Variants in ANKAR observed in about 807,000 individuals in gnomAD.
ANKAR encodes the protein ankyrin and armadillo repeat-containing protein.
ANKAR carries 136 observed loss-of-function variants against 146.2 expected under a neutral mutation model. That is an observed-to-expected ratio of 0.93 (90% CI 0.81 to 1.07). The LOEUF (loss-of-function observed/expected upper bound fraction) is 1.07. Among genes scored for constraint, ANKAR ranks in the 50% least tolerant of loss-of-function variants. ANKAR has a pLI of 0.00. For missense variants in ANKAR, 1,567 were observed against 1,679.9 expected, an observed-to-expected ratio of 0.93 and a Z score of 1.18; for synonymous variants, 500 against 575.8, an observed-to-expected ratio of 0.87 and a Z score of 1.88.
chr2:189,739,615 G>A (rs1201517079), intron 19 of ANKAR, among the ~76,000 whole-genome samples: 1 of 151,026 alleles, frequency 6.6e-6, no homozygotes, highest in African/African-American at 2.4e-5. Context: ...CCAGGCTGGA[G>A]TGCAGTGGTG....
chr2:189,736,506 G>T (rs200895546), intron 17 of ANKAR, among the ~76,000 whole-genome samples: 101,645 of 115,186 alleles, frequency 0.88, 44,516 homozygotes, highest in Non-Finnish European at 0.96. Flanking sequence ...TGGGTTTTGT[G>T]TGTGTGTGTG....
At chr2:189,762,685 C>T, downstream of ANKAR, 1 of 985,402 alleles carries the variant, frequency 1.0e-6, no homozygotes, top group Non-Finnish European at 1.2e-6. Context: ...TTTCACCCAC[C>T]TTCCACTTGG....
At chr2:189,742,960 ACACACACACACACACACAC>A in intron 20 of ANKAR, among the ~76,000 whole-genome samples, 2 of 138,924 alleles carry the variant, frequency 1.4e-5, no homozygotes, top group East Asian at 4.1e-4. Context: ...ACACACACAC[ACACACACACACACACACAC>A]ACCCCTGAAA....
chr2:189,728,918 C>T, intron 15 of ANKAR, 97 bp downstream of exon 15: 1 of 1,171,884 alleles, frequency 8.5e-7, no homozygotes, highest in Non-Finnish European at 1.2e-6. Context: ...TCTATCCCCA[C>T]TGTTTGAGCC....
chr2:189,714,947 CA>C (rs71401215), intron 10 of ANKAR, among the ~76,000 whole-genome samples: 2,318 of 88,680 alleles, frequency 0.026, 13 homozygotes, highest in South Asian at 0.057. Flanking sequence ...CTCCATCTCA[CA>C]AAAAAAAAAA....
intron 19 of ANKAR, among the ~76,000 whole-genome samples, chr2:189,739,845 A>G (rs1474812521): frequency 6.6e-6 from 1 of 152,144 alleles, no homozygotes; most frequent in Non-Finnish European, 1.5e-5. Flanking sequence ...TACAGGTATG[A>G]GCCACCACAC....
In ANKAR at chr2:189,689,582, G is replaced by A; in HGVS notation, c.657G>A (p.Val219=). ...TTAATGAAATCTATGATGAAGACGT[G>A]AATGAAGATCCAACATATGATCCCA... is the stretch of plus-strand genomic sequence containing the variant. The part of the protein sequence containing the change: ...PDFNEIYDED[V]NEDPTYDPNS... Residue 219 remains valine (V), a synonymous_variant, in exon 3 of 23, where the codon GTG becomes GTA. Transcript: ENST00000684021. 6.2e-7 allele frequency: 1 copy of A among 1,611,930 alleles called. No homozygotes were observed. The highest frequency in any genetic ancestry group is 8.5e-7 in the Non-Finnish European group (1 of 1,179,186).
chr2:189,707,097 T>A lies in ANKAR; in HGVS notation c.2070T>A (p.Tyr690Ter). The A allele has an allele frequency of 6.3e-7, 1 of 1,589,180 alleles. No homozygotes were observed. Among genetic ancestry groups the A allele is most frequent in the Non-Finnish European group, 8.6e-7 (1 of 1,168,166 alleles). ...VLTFHTEVLKYIIKLNIPELP... is the reference protein window; with the variant it reads ...VLTFHTEVLK ...CCTTTCATACAGAGGTTCTCAAATA[T>A]ATAATAAAATTAAATATTCCTGAAC... is the stretch of plus-strand genomic sequence containing the variant. Residue 690 changes from tyrosine to a stop codon, truncating the protein, a stop_gained, in exon 9 of 23, where the codon TAT (tyrosine) becomes TAA (stop). Coordinates refer to ENST00000684021, the MANE Select transcript of ANKAR (RefSeq NM_001378068.1). LOFTEE classifies it high-confidence loss of function.
intron 11 of ANKAR, 146 bp downstream of exon 11, chr2:189,719,959 A>G: frequency 2.2e-6 from 2 of 919,214 alleles, no homozygotes; most frequent in Non-Finnish European, 3.1e-6. Context: ...GTGCCTGATG[A>G]AAACTCCACC....
intron 18 of ANKAR, among the ~76,000 whole-genome samples, chr2:189,755,817 C>G (rs1023336318): frequency 1.0e-3 from 154 of 152,174 alleles, no homozygotes; most frequent in African/African-American, 3.3e-3. Flanking sequence ...ATGAAATCAC[C>G]AAAATAATCT....
intron 2 of ANKAR, among the ~76,000 whole-genome samples, chr2:189,685,256 T>C (rs78948010): frequency 6.6e-6 from 1 of 152,052 alleles, no homozygotes; most frequent in Admixed American, 6.6e-5. Flanking sequence ...CTTTTTTTTT[T>C]GCTTCTGGTC....
intron 18 of ANKAR, among the ~76,000 whole-genome samples, chr2:189,759,350 G>A (rs1362340932): frequency 6.6e-6 from 1 of 151,768 alleles, no homozygotes; most frequent in Non-Finnish European, 1.5e-5. Context: ...CCGGGTTCAC[G>A]CCATTCTCCT....
chr2:189,745,912 A>AATAGT (rs2044084893), intron 22 of ANKAR, among the ~76,000 whole-genome samples: 1 of 152,200 alleles, frequency 6.6e-6, no homozygotes, highest in African/African-American at 2.4e-5. Context: ...AGAGTAATTT[A>AATAGT]CATAAAAGAA....
At chr2:189,758,012 A>AT (rs2046339660) in intron 18 of ANKAR, among the ~76,000 whole-genome samples, 1 of 152,146 alleles carries the variant, frequency 6.6e-6, no homozygotes, top group African/African-American at 2.4e-5. Context: ...CTGGTGGGAG[A>AT]TGACTACATC....
chr2:189,699,106 G>A (rs1416914777), intron 7 of ANKAR, among the ~76,000 whole-genome samples: 2 of 152,124 alleles, frequency 1.3e-5, no homozygotes, highest in Non-Finnish European at 2.9e-5. Flanking sequence ...AAAACGCTTG[G>A]CCTTCATAGG....
intron 7 of ANKAR, among the ~76,000 whole-genome samples, chr2:189,702,462 A>G (rs2038216360): frequency 6.6e-6 from 1 of 152,200 alleles, no homozygotes. Flanking sequence ...ATGATTCCTT[A>G]GGAAGTTCCT....
intron 7 of ANKAR, among the ~76,000 whole-genome samples, chr2:189,697,426 T>C (rs1348043428): frequency 6.6e-6 from 1 of 152,110 alleles, no homozygotes; most frequent in Non-Finnish European, 1.5e-5. Flanking sequence ...TTATATTTAA[T>C]GAAGTCAGCT....
At chr2:189,698,931 G>C (rs2037650853) in intron 7 of ANKAR, among the ~76,000 whole-genome samples, 1 of 152,314 alleles carries the variant, frequency 6.6e-6, no homozygotes, top group South Asian at 2.1e-4. Flanking sequence ...AGTAACAATA[G>C]TGTGCCTCCT....
chr2:189,725,635 C>G (rs552400509), intron 12 of ANKAR, among the ~76,000 whole-genome samples: 4 of 152,308 alleles, frequency 2.6e-5, no homozygotes, highest in African/African-American at 9.6e-5. Context: ...ACACCGGGCA[C>G]AGTGGCTCAT....
Sources: allele counts gnomAD v4.1 joint callset (sites outside exome capture counted in the v4.1 genomes callset), GRCh38; gene constraint gnomAD v4.1.1; transcripts MANE v1.5; gene names NCBI Gene and HGNC (gene_info 2026-07-23, HGNC 2026-07-21).